The following SPATC1 variants were observed in gnomAD, a reference collection of about 807,000 sequenced individuals.
SPATC1 encodes speriolin.
In SPATC1, 35 loss-of-function variants were observed where a neutral mutation model predicts 36.5. That is an observed-to-expected ratio of 0.96 (90% CI 0.73 to 1.27). The LOEUF is 1.27. Ranked by LOEUF, SPATC1 falls within the 50% of genes most tolerant of loss-of-function variation. SPATC1 has a pLI of 0.00. For missense variants in SPATC1, 779 were observed against 796.0 expected (o/e 0.98, Z 0.26); for synonymous variants, 361 against 353.6 (o/e 1.02, Z -0.24).
At chr8:144,036,778 G>GA (rs1409326654) in intron 1 of SPATC1, among the ~76,000 whole-genome samples, 6 of 151,750 alleles carry the variant, frequency 4.0e-5, no homozygotes, top group South Asian at 2.1e-4. Flanking sequence ...CTATTTCCAG[G>GA]AAAAAAATCA....
In SPATC1 at chr8:144,040,972, C is replaced by G; in HGVS notation, c.1171C>G (p.Arg391Gly). Reference sequence around the variant, plus strand: ...TCCACACAACGCCCACTCCCCACCTCGTACCTCATCCTCCCCGGCTTCAGT... The same window carrying G: ...TCCACACAACGCCCACTCCCCACCTGGTACCTCATCCTCCCCGGCTTCAGT... ...CPPHNAHSPP[R>G]TSSSPASVND... is the part of the protein sequence containing the mutation. Residue 391 changes from arginine (R) to glycine (G), a missense_variant, in exon 3 of 5, where the codon CGT becomes GGT. Arg to Gly is a moderately radical substitution (Grantham distance 125). Coordinates refer to ENST00000377470, the MANE Select transcript of SPATC1 (RefSeq NM_198572.3). 1 of 1,612,178 alleles carries G rather than the reference C, an allele frequency of 6.2e-7. No homozygotes were observed. Among genetic ancestry groups the G allele is most frequent in the Non-Finnish European group, 8.5e-7 (1 of 1,179,732 alleles).
At chr8:144,036,259 A>G (rs1045725613) in intron 1 of SPATC1, among the ~76,000 whole-genome samples, 4 of 152,156 alleles carry the variant, frequency 2.6e-5, no homozygotes, top group African/African-American at 4.8e-5. Context: ...AAATAAATAC[A>G]TAAGTAAAAG....
intron 1 of SPATC1, among the ~76,000 whole-genome samples, chr8:144,026,084 C>A (rs1203953645): frequency 1.3e-5 from 2 of 152,038 alleles, no homozygotes; most frequent in East Asian, 3.9e-4. Flanking sequence ...AGCTATCACA[C>A]CCCTACCCTC....
intron 3 of SPATC1, 55 bp downstream of exon 3, chr8:144,041,162 G>C: frequency 6.3e-7 from 1 of 1,594,092 alleles, no homozygotes; most frequent in Non-Finnish European, 8.6e-7. Flanking sequence ...TCTCCCTGCC[G>C]CCTGCCTGGG....
Position 144,046,495 on chromosome 8 carries a change from C to T in SPATC1, c.1447-132C>T. 1.2e-6 allele frequency: 1 copy of T among 826,656 alleles called. No homozygotes were observed. The highest frequency in any genetic ancestry group is 1.9e-6 in the Non-Finnish European group (1 of 534,598). 51.2% of individuals were successfully genotyped at this position (826,656 alleles called of 1,614,324 possible). A position where few individuals can be genotyped will look rare whatever the true frequency, so the allele number is the denominator to read the frequency against. On this transcript the variant is annotated intron_variant, in intron 4 of 4. Coordinates refer to ENST00000377470, the MANE Select transcript of SPATC1 (RefSeq NM_198572.3). The surrounding 1 kb of genome is among the most constrained non-coding windows in gnomAD (Gnocchi z 6.6). ...TGTCCTAGATTCTTGAGGTCTGTCG[C>T]AGAACCTCCCCACCGCACACCCCTC...
intron 1 of SPATC1, among the ~76,000 whole-genome samples, chr8:144,023,638 G>C (rs1298122671): frequency 1.8e-4 from 7 of 39,372 alleles, no homozygotes; most frequent in Admixed American, 2.2e-4. Flanking sequence ...CCTCTTCCCT[G>C]AGGAACTTCT....
intron 4 of SPATC1, among the ~76,000 whole-genome samples, chr8:144,044,954 A>T (rs1483451639): frequency 6.6e-6 from 1 of 152,182 alleles, no homozygotes. Context: ...GTCTCAAAAC[A>T]ACAACAAAAA....
At chr8:144,026,990 T>C (rs1277330814) in intron 1 of SPATC1, among the ~76,000 whole-genome samples, 1 of 143,728 alleles carries the variant, frequency 7.0e-6, no homozygotes, top group East Asian at 2.0e-4. Flanking sequence ...TTTTTTTCTT[T>C]TTTTTTTTTT....
chr8:144,047,088 A>T lies in SPATC1; in HGVS notation c.*132A>T. ...GGTGCTGCCTCCTCTGGGGTGGCTCACCGGGCCCCGGCACCGTGCCCCTTC... is the reference window on the plus strand; with the variant it reads ...GGTGCTGCCTCCTCTGGGGTGGCTCTCCGGGCCCCGGCACCGTGCCCCTTC... On this transcript the variant is annotated 3_prime_UTR_variant, in exon 5 of 5. Coordinates refer to ENST00000377470, the MANE Select transcript of SPATC1 (RefSeq NM_198572.3). The surrounding 1 kb of genome is among the most constrained non-coding windows in gnomAD (Gnocchi z 4.1). 1 of 1,135,488 alleles carries T rather than the reference A, an allele frequency of 8.8e-7. No individual in the cohort carries two copies. The highest frequency in any genetic ancestry group is 2.6e-5 in the East Asian group (1 of 38,850). 70.3% of individuals were successfully genotyped at this position (1,135,488 alleles called of 1,614,324 possible). A position where few individuals can be genotyped will look rare whatever the true frequency, so the allele number is the denominator to read the frequency against.
At chr8:144,017,632 G>C (rs1834420767) in intron 1 of SPATC1, among the ~76,000 whole-genome samples, 1 of 152,120 alleles carries the variant, frequency 6.6e-6, no homozygotes, top group Non-Finnish European at 1.5e-5. Context: ...ACCACATCCT[G>C]GCACAAAACT....
rs1043601584 is a variant in SPATC1, at chr8:144,046,424, G to C, written c.1447-203G>C. On this transcript the variant is annotated intron_variant, in intron 4 of 4. Transcript: ENST00000377470. The surrounding 1 kb of genome is among the most constrained non-coding windows in gnomAD (Gnocchi z 6.6). Reference sequence around the variant, plus strand: ...GCTTTGAGAGCCACCTGCCCTGCCCGGATCAGGCCTTGGAGACCTGTCAGG... The same window carrying C: ...GCTTTGAGAGCCACCTGCCCTGCCCCGATCAGGCCTTGGAGACCTGTCAGG... 6.6e-6 allele frequency among the ~76,000 whole-genome samples: 1 copy of C among 152,144 alleles called. No individual in the cohort carries two copies. Among genetic ancestry groups the C allele is most frequent in the African/African-American group, 2.4e-5 (1 of 41,430 alleles).
intron 1 of SPATC1, among the ~76,000 whole-genome samples, chr8:144,020,250 C>T (rs992776557): frequency 0.038 from 5,739 of 150,914 alleles, 378 homozygotes; most frequent in African/African-American, 0.13. Flanking sequence ...ACACTCTTCC[C>T]TGAAGACCCT....
At chr8:144,023,743 AAAAC>A (rs1834605528) in intron 1 of SPATC1, among the ~76,000 whole-genome samples, 22 of 420 alleles carry the variant, frequency 0.052, 11 homozygotes, top group African/African-American at 0.077. Context: ...CTCTCCCCTC[AAAAC>A]TCTCTTCCTT....
At chr8:144,042,720 G>C (rs1554756295) in intron 4 of SPATC1, among the ~76,000 whole-genome samples, 1 of 152,134 alleles carries the variant, frequency 6.6e-6, no homozygotes, top group East Asian at 1.9e-4. Context: ...TTGTTCATTG[G>C]TGAAGGCCAC....
In SPATC1 at chr8:144,046,532, A is replaced by G. The variant is rs539319693; in HGVS notation, c.1447-95A>G. On this transcript the variant is annotated intron_variant, in intron 4 of 4. Transcript: ENST00000377470. This position sits in a 1 kb window ranked among gnomAD's most constrained non-coding sequence, Gnocchi z 6.6. ...ACCGCACACCCCTCGGATCCTGGCC[A>G]TCTCACAGCCTCACCTGCCCCTCGG... 1 of 1,194,348 alleles carries G rather than the reference A, an allele frequency of 8.4e-7. No individual in the cohort carries two copies. Among genetic ancestry groups the G allele is most frequent in the Non-Finnish European group, 1.2e-6 (1 of 845,008 alleles). The allele number at this position is 1,194,348 out of a possible 1,614,324, so 74.0% of individuals were successfully genotyped here. A position where few individuals can be genotyped will look rare whatever the true frequency, so the allele number is the denominator to read the frequency against.
At chr8:144,029,244 A>G (rs1834748693) in intron 1 of SPATC1, among the ~76,000 whole-genome samples, 1 of 136,282 alleles carries the variant, frequency 7.3e-6, no homozygotes, top group African/African-American at 2.9e-5. Flanking sequence ...ATTTTCTCCC[A>G]TTGAATTGTC....
chr8:144,036,120 A>G (rs2133134234), intron 1 of SPATC1, among the ~76,000 whole-genome samples: 1 of 152,270 alleles, frequency 6.6e-6, no homozygotes, highest in Non-Finnish European at 1.5e-5. Context: ...AGAAATCATA[A>G]AAGACCAGGC....
intron 1 of SPATC1, among the ~76,000 whole-genome samples, chr8:144,023,325 TC>T: frequency 2.4e-5 from 3 of 123,406 alleles, no homozygotes; most frequent in Non-Finnish European, 5.2e-5. Flanking sequence ...GAGGAACCTC[TC>T]CCCTCAGGAT....
chr8:144,030,347 G>GTGTATGTA (rs1199255905), intron 1 of SPATC1, among the ~76,000 whole-genome samples: 4,512 of 151,832 alleles, frequency 0.03, 218 homozygotes, highest in African/African-American at 0.1. Context: ...CCACATTGCT[G>GTGTATGTA]TGTATGTATG....
Sources: allele counts gnomAD v4.1 joint callset (sites outside exome capture counted in the v4.1 genomes callset), GRCh38; gene constraint gnomAD v4.1.1; non-coding constraint Gnocchi (gnomAD v3.1); transcripts MANE v1.5; gene names NCBI Gene and HGNC (gene_info 2026-07-23, HGNC 2026-07-21).